The following AKT2 variants were observed in gnomAD, a reference collection of about 807,000 sequenced individuals.
AKT2 encodes the protein RAC-beta serine/threonine-protein kinase.
In AKT2, 16 loss-of-function variants were observed where a neutral mutation model predicts 58.6. That is an observed-to-expected ratio of 0.27 (90% CI 0.18 to 0.41). The LOEUF is 0.41. Among genes scored for constraint, AKT2 ranks in the 10% least tolerant of loss-of-function variants. AKT2 has a pLI of 1.00. For missense variants in AKT2, 438 were observed against 661.0 expected (o/e 0.66, Z 3.70); for synonymous variants, 253 against 254.0 (o/e 1.00, Z 0.04).
intron 1 of AKT2, among the ~76,000 whole-genome samples, chr19:40,273,306 A>G (rs1390378229): frequency 2.0e-5 from 3 of 149,496 alleles, no homozygotes; most frequent in African/African-American, 7.4e-5. Context: ...GCACCACTGC[A>G]CTCCAGCCTG....
At position 40,241,984 on chromosome 19, in the gene AKT2, C is replaced by A. The variant is rs764058037; in HGVS notation, c.527G>T (p.Arg176Leu). The A allele has an allele frequency of 8.1e-6, 13 of 1,614,200 alleles. No homozygotes were observed. The South Asian group carries it at 1.2e-4, about 15-fold the overall frequency. Residue 176 changes from arginine to leucine, a missense_variant, in exon 6 of 14, where the codon CGC becomes CTC. Arg to Leu is a moderately radical substitution (Grantham distance 102, BLOSUM62 -2). This residue lies in a region of AKT2 where 244 missense variants were observed against 347.1 expected (regional missense o/e 0.70). Coordinates refer to ENST00000392038, the MANE Select transcript of AKT2 (RefSeq NM_001626.6). ...CCGCAGGATCTTCATGGCGTAGTAG[C>A]GGCCAGTGGCCTTCTCCCGCACCAG... ...VILVREKATG[R>L]YYAMKILRKE...
intron 1 of AKT2, among the ~76,000 whole-genome samples, chr19:40,276,033 T>C (rs2077316152): frequency 6.7e-6 from 1 of 148,254 alleles, no homozygotes. Context: ...AAAAAGTCCA[T>C]ACATGGCTAG....
At chr19:40,284,961 C>A in intron 1 of AKT2, 1 of 355,878 alleles carries the variant, frequency 2.8e-6, no homozygotes, top group South Asian at 1.5e-4. Flanking sequence ...CAGCGCTCCC[C>A]CCACCGCCTC....
chr19:40,277,351 C>T (rs1907618180), intron 1 of AKT2, among the ~76,000 whole-genome samples: 1 of 152,216 alleles, frequency 6.6e-6, no homozygotes. Context: ...TCCTCCCACC[C>T]GCCAAGGCCT....
At chr19:40,268,331 C>T (rs972364918) in intron 1 of AKT2, among the ~76,000 whole-genome samples, 1 of 152,210 alleles carries the variant, frequency 6.6e-6, no homozygotes, top group Non-Finnish European at 1.5e-5. Context: ...GGGCCCAGGG[C>T]TCGGCCTACT....
chr19:40,242,760 TCCCAGCCACC>T lies in AKT2; in HGVS notation c.288-83_288-74del, dbSNP rs1461410316. 6.5e-7 allele frequency: 1 copy of T among 1,535,332 alleles called. No homozygotes were observed. Among genetic ancestry groups the T allele is most frequent in the Non-Finnish European group, 8.9e-7 (1 of 1,127,330 alleles). ...CAGAGTCGAACAGCTGAGTGCCACC[TCCCAGCCACC>T]CCCAGCAACAGGCAAGCAAATGACC... is the stretch of plus-strand genomic sequence containing the variant. On this transcript the variant is annotated intron_variant, in intron 4 of 13. Coordinates refer to ENST00000392038, the MANE Select transcript of AKT2 (RefSeq NM_001626.6). This position sits in a 1 kb window ranked among gnomAD's most constrained non-coding sequence, Gnocchi z 4.3.
At chr19:40,280,919 G>C (rs566623133) in intron 1 of AKT2, 2 of 152,312 alleles carry the variant, frequency 1.3e-5, no homozygotes, top group Admixed American at 6.6e-5. Context: ...AACCTGTTTC[G>C]GGTTGGTCTT....
intron 4 of AKT2, among the ~76,000 whole-genome samples, chr19:40,245,070 C>G (rs1170414819): frequency 6.6e-6 from 1 of 152,190 alleles, no homozygotes; most frequent in Non-Finnish European, 1.5e-5. Context: ...AGGGTGCCTC[C>G]CCAATGACAG....
intron 1 of AKT2, among the ~76,000 whole-genome samples, chr19:40,280,159 T>A (rs914397434): frequency 6.6e-6 from 1 of 152,240 alleles, no homozygotes; most frequent in African/African-American, 2.4e-5. Context: ...GGCGCAGGCC[T>A]ACAGGCCCAC....
At chr19:40,282,372 G>A (rs1438235677) in intron 1 of AKT2, 3 of 411,956 alleles carry the variant, frequency 7.3e-6, no homozygotes, top group Non-Finnish European at 9.7e-6. Flanking sequence ...CCTGCTGCTA[G>A]CTAACGCAGG....
At chr19:40,258,863 C>A (rs1427459798) in intron 2 of AKT2, among the ~76,000 whole-genome samples, 2 of 152,146 alleles carry the variant, frequency 1.3e-5, no homozygotes. Context: ...CAATCCCTAT[C>A]AAAATTCCAA....
chr19:40,254,532 A>C (rs147079495), intron 4 of AKT2, among the ~76,000 whole-genome samples: 6,973 of 151,672 alleles, frequency 0.046, 228 homozygotes, highest in Middle Eastern at 0.085. Flanking sequence ...TGTCTCAAAA[A>C]AAAAAAAAAA....
chr19:40,275,238 C>A (rs1418461354), intron 1 of AKT2: 1 of 456,834 alleles, frequency 2.2e-6, no homozygotes, highest in South Asian at 1.5e-5. Context: ...TCCTCCCACA[C>A]CCCGGCCAGC....
In AKT2 at chr19:40,233,803, A is replaced by G. The variant is rs1268681253; in HGVS notation, c.*69T>C. ...GACACAAACCAAAAAGGCTAAGTAA[A>G]AAGTTAGGGGGAAAAAACCACCCAG... On this transcript the variant is annotated 3_prime_UTR_variant, in exon 14 of 14. Transcript: ENST00000392038. This position sits in a 1 kb window ranked among gnomAD's most constrained non-coding sequence, Gnocchi z 4.3. 4 of 1,523,694 alleles carry G rather than the reference A, an allele frequency of 2.6e-6. No individual in the cohort carries two copies. In the African/African-American group the frequency reaches 5.5e-5, roughly 21 times the overall value. The allele number at this position is 1,523,694 out of a possible 1,614,324, so 94.4% of individuals were successfully genotyped here.
chr19:40,230,734 T>C lies in AKT2; in HGVS notation c.*3138A>G. 4.9e-6 allele frequency: 1 copy of C among 203,892 alleles called. No homozygotes were observed. Among genetic ancestry groups the C allele is most frequent in the Non-Finnish European group, 1.0e-5 (1 of 99,636 alleles). 12.6% of individuals were successfully genotyped at this position (203,892 alleles called of 1,614,324 possible). A position where few individuals can be genotyped will look rare whatever the true frequency, so the allele number is the denominator to read the frequency against. ...GTATCATGTTTTTTTTTTTTTTATTTTTAGAGACACAGTCTCATTGTCCCA... is the reference window on the plus strand; with the variant it reads ...GTATCATGTTTTTTTTTTTTTTATTCTTAGAGACACAGTCTCATTGTCCCA... On this transcript the variant is annotated 3_prime_UTR_variant, in exon 14 of 14. Transcript: ENST00000392038.
chr19:40,233,903 TG>T lies in AKT2; in HGVS notation c.1414del (p.Gln472SerfsTer103). Reference protein sequence around the residue: ...LELDQRTHFPQFSYSASIRE With the variant: ...LELDQRTHFPXFSYSASIRE ...GCGGATGCTGGCCGAGTAGGAGAACTGGGGGAAGTGGGTCCGCTGGTCCAGC... is the reference window on the plus strand; with the variant it reads ...GCGGATGCTGGCCGAGTAGGAGAACTGGGGAAGTGGGTCCGCTGGTCCAGC... On this transcript the variant is annotated frameshift_variant, in exon 14 of 14. Coordinates refer to ENST00000392038, the MANE Select transcript of AKT2 (RefSeq NM_001626.6). LOFTEE classifies it high-confidence loss of function. The surrounding 1 kb of genome is among the most constrained non-coding windows in gnomAD (Gnocchi z 4.3). 6.2e-7 allele frequency: 1 copy of T among 1,611,824 alleles called. No homozygotes were observed.
At chr19:40,276,116 A>G (rs1353337488) in intron 1 of AKT2, among the ~76,000 whole-genome samples, 1 of 151,874 alleles carries the variant, frequency 6.6e-6, no homozygotes, top group Non-Finnish European at 1.5e-5. Context: ...GGCAGGAGGC[A>G]GGGATGTGAC....
chr19:40,243,547 C>T (rs1974547951), intron 4 of AKT2: 1 of 152,250 alleles, frequency 6.6e-6, no homozygotes, highest in African/African-American at 2.4e-5. Context: ...AGGAGAGAAG[C>T]TGGTGGACAA....
intron 1 of AKT2, chr19:40,274,183 G>A (rs181485862): frequency 3.6e-4 from 55 of 152,514 alleles, no homozygotes; most frequent in African/African-American, 1.3e-3. Context: ...ATGACTATGT[G>A]GGTAATGTCG....
Sources: gnomAD v4.1 joint callset for allele counts (sites outside exome capture counted in the v4.1 genomes callset) on GRCh38, gnomAD v4.1.1 for gene constraint, gnomAD v4.1.1 regional missense constraint, Gnocchi (gnomAD v3.1) non-coding constraint, MANE v1.5 for transcripts, NCBI Gene and HGNC (gene_info 2026-07-23, HGNC 2026-07-21) for gene names.